PMFBP1: variants seen among roughly 807,000 people sequenced by gnomAD.
PMFBP1 encodes the protein polyamine-modulated factor 1-binding protein 1.
A neutral mutation model predicts 137.8 loss-of-function variants in PMFBP1; 131 were observed. The ratio of observed to expected loss-of-function variants is 0.95; its 90% CI spans 0.82 to 1.10. The LOEUF is 1.10. Among genes scored for constraint, PMFBP1 ranks in the 50% least tolerant of loss-of-function variants. The pLI, the probability that PMFBP1 is intolerant of heterozygous loss-of-function variation, is 0.00. For missense variants in PMFBP1, 1,199 were observed against 1,175.4 expected (o/e 1.02, Z -0.29); for synonymous variants, 490 against 450.4 (o/e 1.09, Z -1.11).
chr16:72,137,943 T>G (rs2042657910), intron 7 of PMFBP1, among the ~76,000 whole-genome samples: 1 of 152,096 alleles, frequency 6.6e-6, no homozygotes, highest in Non-Finnish European at 1.5e-5. Context: ...AGCCCCACAC[T>G]GTGCCACACT....
intron 19 of PMFBP1, among the ~76,000 whole-genome samples, chr16:72,121,533 G>C (rs2042377146): frequency 6.6e-6 from 1 of 152,242 alleles, no homozygotes; most frequent in Non-Finnish European, 1.5e-5. Flanking sequence ...TGGATTCCAG[G>C]TGTTTGGAGA....
chr16:72,193,813 T>A, the PMFBP1 span, among the ~76,000 whole-genome samples: 2 of 151,880 alleles, frequency 1.3e-5, no homozygotes, highest in Admixed American at 6.6e-5. Context: ...CCCAATCATA[T>A]GTGCCCGGCT....
In PMFBP1 at chr16:72,126,278, C is replaced by T. The variant is rs2042457049; in HGVS notation, c.2089-146G>A. 19 of 846,426 alleles carry T rather than the reference C, an allele frequency of 2.2e-5. No homozygotes were observed. In the South Asian group the frequency reaches 2.8e-4, roughly 13 times the overall value. 52.4% of individuals were successfully genotyped at this position (846,426 alleles called of 1,614,324 possible). A position where few individuals can be genotyped will look rare whatever the true frequency, so the allele number is the denominator to read the frequency against. On this transcript the variant is annotated intron_variant, in intron 14 of 20. Coordinates refer to ENST00000237353, the MANE Select transcript of PMFBP1 (RefSeq NM_031293.3). Reference sequence around the variant, plus strand: ...CGTGTTAACACTCACATCTTCACTTCACCACTGTAAAAGGTAGAGCTGTCT... The same window carrying T: ...CGTGTTAACACTCACATCTTCACTTTACCACTGTAAAAGGTAGAGCTGTCT...
chr16:72,154,098 CT>C, intron 4 of PMFBP1, 112 bp downstream of exon 4: 1 of 1,393,182 alleles, frequency 7.2e-7, no homozygotes, highest in Non-Finnish European at 9.7e-7. Context: ...ATAAAACCTG[CT>C]CGGGATGTTG....
At position 72,130,196 on chromosome 16, in the gene PMFBP1, C is replaced by A; in HGVS notation, c.1782+17G>T. ...CAGAGCAAGCACTTGAATGGGCCAT[C>A]TGCCTGCCCGTCATACCTGGTGCTT... On this transcript the variant is annotated intron_variant, in intron 12 of 20. Transcript: ENST00000237353. 5 of 1,609,864 alleles carry A rather than the reference C, an allele frequency of 3.1e-6. No individual in the cohort carries two copies. Among genetic ancestry groups the A allele is most frequent in the Non-Finnish European group, 4.2e-6 (5 of 1,179,976 alleles).
chr16:72,189,355 G>C, the PMFBP1 span, among the ~76,000 whole-genome samples: 1 of 152,186 alleles, frequency 6.6e-6, no homozygotes, highest in African/African-American at 2.4e-5. Context: ...GAAGATGAAT[G>C]GGACAAGCTT....
the PMFBP1 span, among the ~76,000 whole-genome samples, chr16:72,200,947 A>G: frequency 6.6e-6 from 1 of 152,112 alleles, no homozygotes; most frequent in African/African-American, 2.4e-5. Context: ...ATCCATAGGG[A>G]CCTGGCCGTG....
At chr16:72,126,880 G>C (rs1473589282) in intron 14 of PMFBP1, among the ~76,000 whole-genome samples, 2 of 152,172 alleles carry the variant, frequency 1.3e-5, no homozygotes, top group African/African-American at 2.4e-5. Flanking sequence ...CTCAGTTTCT[G>C]CTTCCACAAA....
At chr16:72,127,364 G>C (rs948241409) in intron 14 of PMFBP1, among the ~76,000 whole-genome samples, 2 of 152,202 alleles carry the variant, frequency 1.3e-5, no homozygotes, top group African/African-American at 4.8e-5. Context: ...GAAAACAGAA[G>C]TGCATCTTTT....
At chr16:72,153,848 T>C (rs910263615) in intron 4 of PMFBP1, among the ~76,000 whole-genome samples, 1 of 148,840 alleles carries the variant, frequency 6.7e-6, no homozygotes, top group Non-Finnish European at 1.5e-5. Flanking sequence ...TTATACCTCT[T>C]TGATAACCCT....
At chr16:72,117,765 G>A (rs1472972951), downstream of PMFBP1, among the ~76,000 whole-genome samples, 5 of 152,146 alleles carry the variant, frequency 3.3e-5, no homozygotes, top group South Asian at 2.1e-4. Flanking sequence ...TCAGCTGTTC[G>A]AACTACTTTT....
At chr16:72,183,868 C>T in the PMFBP1 span, among the ~76,000 whole-genome samples, 1 of 152,242 alleles carries the variant, frequency 6.6e-6, no homozygotes, top group African/African-American at 2.4e-5. Flanking sequence ...CCTCTATCCC[C>T]CTTTCCCCAT....
the PMFBP1 span, among the ~76,000 whole-genome samples, chr16:72,243,471 T>C: frequency 5.3e-5 from 8 of 152,222 alleles, no homozygotes; most frequent in Admixed American, 5.2e-4. Flanking sequence ...TTAAAACAAC[T>C]CATTGCATTC....
chr16:72,119,547 G>A (rs368046326), intron 20 of PMFBP1, 193 bp from the exon 21 acceptor site: 107 of 1,458,892 alleles, frequency 7.3e-5, no homozygotes, highest in East Asian at 5.2e-4. Flanking sequence ...GTGCTCTTAC[G>A]GGGTTTCCAG....
At chr16:72,210,359 G>A in the PMFBP1 span, among the ~76,000 whole-genome samples, 3 of 152,206 alleles carry the variant, frequency 2.0e-5, no homozygotes, top group Non-Finnish European at 4.4e-5. Context: ...GCATTTTGGT[G>A]TAGACAAGTC....
At chr16:72,249,071 T>C in the PMFBP1 span, among the ~76,000 whole-genome samples, 3 of 152,074 alleles carry the variant, frequency 2.0e-5, no homozygotes, top group Non-Finnish European at 2.9e-5. Flanking sequence ...GATCAAAGTA[T>C]TAAATTTGTG....
rs550862432 is a variant in PMFBP1 at position 72,164,914 on chromosome 16, C to G, written c.15G>C (p.Ala5=). 8.9e-6 allele frequency: 14 copies of G among 1,580,430 alleles called. No individual in the cohort carries two copies. Among genetic ancestry groups the G allele is most frequent in the South Asian group, 5.6e-5 (5 of 88,934 alleles). The change falls in exon 3 of 21, where the codon GCG becomes GCC. Residue 5 remains alanine, a splice_region_variant and synonymous_variant. Transcript: ENST00000237353. MKDE[A]GERDREVSSL... ...TGCTCACTTCTCTGTCTCTCTCCCC[C>G]GCCTAGGCAGCCAGAAAAACAAAAG...
chr16:72,243,182 C>A, the PMFBP1 span, among the ~76,000 whole-genome samples: 1 of 152,300 alleles, frequency 6.6e-6, no homozygotes, highest in East Asian at 1.9e-4. Flanking sequence ...GATCTTCCTG[C>A]CAAAGACATT....
At chr16:72,148,453 G>A (rs2042848509) in intron 5 of PMFBP1, among the ~76,000 whole-genome samples, 1 of 152,058 alleles carries the variant, frequency 6.6e-6, no homozygotes, top group Non-Finnish European at 1.5e-5. Context: ...AAACCAACAT[G>A]GCACATGTTT....
Sources: gnomAD v4.1 joint callset for allele counts (sites outside exome capture counted in the v4.1 genomes callset) on GRCh38, gnomAD v4.1.1 for gene constraint, MANE v1.5 for transcripts, NCBI Gene and HGNC (gene_info 2026-07-23, HGNC 2026-07-21) for gene names.